The following ANKRD13D variants were observed in gnomAD, a reference collection of about 807,000 sequenced individuals.
ANKRD13D encodes ankyrin repeat domain-containing protein 13D.
A neutral mutation model predicts 68.8 loss-of-function variants in ANKRD13D; 24 were observed. The observed-to-expected ratio is 0.35, with a 90% CI of 0.25 to 0.49. The LOEUF is 0.49. Among genes scored for constraint, ANKRD13D ranks in the 20% least tolerant of loss-of-function variants. ANKRD13D has a pLI of 0.99. For synonymous variants in ANKRD13D, 331 were observed against 336.1 expected (o/e 0.98, Z 0.16); for missense variants, 735 against 832.1 (o/e 0.88, Z 1.44).
chr11:67,298,333 A>AT (rs1860844366), intron 6 of ANKRD13D: 1 of 152,188 alleles, frequency 6.6e-6, no homozygotes, highest in Non-Finnish European at 1.5e-5. Flanking sequence ...AACTGCTGGG[A>AT]TTACAGGCAT....
In ANKRD13D at chr11:67,300,460, A is replaced by G; in HGVS notation, c.1073+337A>G. 1 of 367,208 alleles carries G rather than the reference A, an allele frequency of 2.7e-6. No individual in the cohort carries two copies. The highest frequency in any genetic ancestry group is 4.2e-5 in the Admixed American group (1 of 23,988). 22.7% of individuals were successfully genotyped at this position (367,208 alleles called of 1,614,324 possible). A position where few individuals can be genotyped will look rare whatever the true frequency, so the allele number is the denominator to read the frequency against. On this transcript the variant is annotated intron_variant, in intron 10 of 14. Transcript: ENST00000511455. The surrounding 1 kb of genome is among the most constrained non-coding windows in gnomAD (Gnocchi z 4.3). ...AGTGGAGCGTCTGCCTTGGTGGAACAGAACAGTTACGCTCTTGCCTCGTGA... is the reference window on the plus strand; with the variant it reads ...AGTGGAGCGTCTGCCTTGGTGGAACGGAACAGTTACGCTCTTGCCTCGTGA...
chr11:67,293,752 A>G (rs1311896406), intron 6 of ANKRD13D, among the ~76,000 whole-genome samples: 2 of 152,172 alleles, frequency 1.3e-5, no homozygotes, highest in Non-Finnish European at 2.9e-5. Flanking sequence ...TCTTAGGCTG[A>G]AGCGACCTGC....
At chr11:67,291,343 G>C (rs898024131) in intron 3 of ANKRD13D, 133 bp from the exon 4 acceptor site, 1 of 961,478 alleles carries the variant, frequency 1.0e-6, no homozygotes, top group African/African-American at 1.9e-5. Flanking sequence ...GGGTGACAGA[G>C]CAAGTCTCAA....
chr11:67,290,683 G>A, intron 3 of ANKRD13D: 1 of 527,550 alleles, frequency 1.9e-6, no homozygotes, highest in Non-Finnish European at 3.2e-6. Context: ...TGGGCCTCCT[G>A]AAGAATGCAG....
rs374735254 is a variant in ANKRD13D at position 67,301,257 on chromosome 11, C to T, written c.1232-25C>T. ...AGGCACAGGTGGCTCTCCGCCAGGG[C>T]TCAGGCGTGGCTGTCTTCTCACAGA... On this transcript the variant is annotated intron_variant, in intron 11 of 14. Transcript: ENST00000511455. This position sits in a 1 kb window ranked among gnomAD's most constrained non-coding sequence, Gnocchi z 4.5. 1.4e-5 allele frequency: 22 copies of T among 1,602,856 alleles called. No homozygotes were observed. The highest frequency in any genetic ancestry group is 1.6e-5 in the Non-Finnish European group (19 of 1,173,894).
In ANKRD13D at chr11:67,300,447, G is replaced by T. The variant is rs1860935031; in HGVS notation, c.1073+324G>T. On this transcript the variant is annotated intron_variant, in intron 10 of 14. Coordinates refer to ENST00000511455, the MANE Select transcript of ANKRD13D (RefSeq NM_207354.3). The surrounding 1 kb of genome is among the most constrained non-coding windows in gnomAD (Gnocchi z 4.3). Reference sequence around the variant, plus strand: ...GACGTGGCCTGGGAGTGGAGCGTCTGCCTTGGTGGAACAGAACAGTTACGC... The same window carrying T: ...GACGTGGCCTGGGAGTGGAGCGTCTTCCTTGGTGGAACAGAACAGTTACGC... The T allele has an allele frequency of 2.6e-6, 1 of 382,794 alleles. No individual in the cohort carries two copies. The highest frequency in any genetic ancestry group is 4.8e-6 in the Non-Finnish European group (1 of 207,608). 23.7% of individuals were successfully genotyped at this position (382,794 alleles called of 1,614,324 possible). A position where few individuals can be genotyped will look rare whatever the true frequency, so the allele number is the denominator to read the frequency against.
At chr11:67,289,659 C>T (rs1860450471) in intron 1 of ANKRD13D, 109 bp downstream of exon 1, 2 of 1,170,500 alleles carry the variant, frequency 1.7e-6, no homozygotes, top group Non-Finnish European at 2.3e-6. Flanking sequence ...TCCGCAGCCA[C>T]ATCCTGGGCC....
At position 67,301,886 on chromosome 11, in the gene ANKRD13D, G is replaced by T. The variant is rs951054561; in HGVS notation, c.1604+63G>T. 13 of 1,504,580 alleles carry T rather than the reference G, an allele frequency of 8.6e-6. No individual in the cohort carries two copies. Among genetic ancestry groups the T allele is most frequent in the African/African-American group, 1.4e-5 (1 of 72,128 alleles). The allele number at this position is 1,504,580 out of a possible 1,614,324, so 93.2% of individuals were successfully genotyped here. On this transcript the variant is annotated intron_variant, in intron 14 of 14. Coordinates refer to ENST00000511455, the MANE Select transcript of ANKRD13D (RefSeq NM_207354.3). This position sits in a 1 kb window ranked among gnomAD's most constrained non-coding sequence, Gnocchi z 4.5. ...CCAGCCCTGGCTTGGCGGGGAGGGG[G>T]ATAGCAGGAAGGTGCTAGGACCCCA...
rs148457831 is a variant in ANKRD13D at position 67,292,149 on chromosome 11, C to T, written c.700C>T (p.His234Tyr). ...CCTCACCTCTCCTATCGTCTCCACC[C>T]ACCTGGACACTCGTAATGTGGCCTT... The part of the protein sequence containing the change: ...SRLTSPIVST[H>Y]LDTRNVAFER... The change falls in exon 6 of 15, where the codon CAC becomes TAC. Residue 234 changes from histidine to tyrosine, a missense_variant. Physicochemically the swap from His to Tyr is moderately conservative, Grantham distance 83. Coordinates refer to ENST00000511455, the MANE Select transcript of ANKRD13D (RefSeq NM_207354.3). 2 of 1,604,936 alleles carry T rather than the reference C, an allele frequency of 1.2e-6. No homozygotes were observed. Among genetic ancestry groups the T allele is most frequent in the African/African-American group, 2.7e-5 (2 of 74,762 alleles).
chr11:67,299,907 G>A lies in ANKRD13D; in HGVS notation c.942+19G>A, dbSNP rs369530442. On this transcript the variant is annotated intron_variant, in intron 9 of 14. Transcript: ENST00000511455. The surrounding 1 kb of genome is among the most constrained non-coding windows in gnomAD (Gnocchi z 6.2). ...CACCGGGGTGAGCCGGGGCTGGGCCGAGACAGGGCTGGCGGGGGGCCGAGC... is the reference window on the plus strand; with the variant it reads ...CACCGGGGTGAGCCGGGGCTGGGCCAAGACAGGGCTGGCGGGGGGCCGAGC... The A allele has an allele frequency of 1.7e-4, 267 of 1,554,516 alleles. No individual in the cohort carries two copies. The African/African-American group carries it at 2.7e-3, about 16-fold the overall frequency.
At chr11:67,289,577 CT>C in intron 1 of ANKRD13D, 27 bp downstream of exon 1, 1 of 1,518,356 alleles carries the variant, frequency 6.6e-7, no homozygotes, top group Non-Finnish European at 8.8e-7. Context: ...GCACCCGGCC[CT>C]TCCCCCGGGT....
chr11:67,291,228 A>T (rs2004225), intron 3 of ANKRD13D: 28,065 of 493,978 alleles, frequency 0.057, 1,879 homozygotes, highest in African/African-American at 0.24. Flanking sequence ...GTGGTGGCAC[A>T]CACCTGTGGT....
rs546133728 is a variant in ANKRD13D, at chr11:67,291,858, G to A, written c.541+112G>A. 6.5e-5 allele frequency: 99 copies of A among 1,521,222 alleles called. No individual in the cohort carries two copies. The South Asian group carries it at 1.2e-3, about 18-fold the overall frequency. 94.2% of individuals were successfully genotyped at this position (1,521,222 alleles called of 1,614,324 possible). A position where few individuals can be genotyped will look rare whatever the true frequency, so the allele number is the denominator to read the frequency against. On this transcript the variant is annotated intron_variant, in intron 5 of 14. Coordinates refer to ENST00000511455, the MANE Select transcript of ANKRD13D (RefSeq NM_207354.3). The stretch of plus-strand genomic sequence containing the variant: ...TCCAGATGTGGAAGCTGAGGTTGGG[G>A]ATGGAGGGGCATCCAGGGGCCAAGA...
Position 67,289,621 on chromosome 11 carries a change from GCCCCC to G in ANKRD13D, c.90+83_90+87del. ...CCAAGGCTGTGGCCTCCGTCCTGGA[GCCCCC>G]CCCCCCCCCCCGCCCGCTCAGCTCC... On this transcript the variant is annotated intron_variant, in intron 1 of 14. Coordinates refer to ENST00000511455, the MANE Select transcript of ANKRD13D (RefSeq NM_207354.3). 1.4e-5 allele frequency: 11 copies of G among 807,392 alleles called. No homozygotes were observed. In the African/African-American group the frequency reaches 4.4e-4, roughly 32 times the overall value. The allele number at this position is 807,392 out of a possible 1,614,324, so 50.0% of individuals were successfully genotyped here. A position where few individuals can be genotyped will look rare whatever the true frequency, so the allele number is the denominator to read the frequency against.
In ANKRD13D at chr11:67,302,149, A is replaced by G; in HGVS notation, c.1635A>G (p.Thr545=). ...RALQESLQLS[T]EPRGPGSPPR... ...TCCAGGAAAGCCTGCAGCTGTCCAC[A>G]GAGCCCAGGGGCCCAGGATCCCCTC... Residue 545 remains threonine (T), a synonymous_variant, in exon 15 of 15, where the codon ACA becomes ACG. Coordinates refer to ENST00000511455, the MANE Select transcript of ANKRD13D (RefSeq NM_207354.3). 1 of 1,593,640 alleles carries G rather than the reference A, an allele frequency of 6.3e-7. No individual in the cohort carries two copies. Among genetic ancestry groups the G allele is most frequent in the Middle Eastern group, 2.2e-4 (1 of 4,502 alleles).
chr11:67,291,821 T>A, intron 5 of ANKRD13D, 75 bp downstream of exon 5: 1 of 1,568,826 alleles, frequency 6.4e-7, no homozygotes, highest in Non-Finnish European at 8.6e-7. Flanking sequence ...GTGCTGCCTT[T>A]TCTCTCCACT....
chr11:67,291,373 A>AAT, intron 3 of ANKRD13D, 103 bp from the exon 4 acceptor site: 3 of 1,183,804 alleles, frequency 2.5e-6, no homozygotes, highest in Non-Finnish European at 3.5e-6. Context: ...AAAAAAAAAA[A>AAT]AAGACCTGAT....
At position 67,301,440 on chromosome 11, in the gene ANKRD13D, G is replaced by T; in HGVS notation, c.1348+42G>T. On this transcript the variant is annotated intron_variant, in intron 12 of 14. Transcript: ENST00000511455. The surrounding 1 kb of genome is among the most constrained non-coding windows in gnomAD (Gnocchi z 4.5). ...AAGAGGGAGCCTGCACAGCTTTCTG[G>T]TCACCAAGCCCCGCGGGTTGAGCGT... The T allele has an allele frequency of 6.2e-7, 1 of 1,607,218 alleles. No homozygotes were observed.
intron 6 of ANKRD13D, among the ~76,000 whole-genome samples, chr11:67,295,001 C>T (rs1237493958): frequency 6.6e-6 from 1 of 152,052 alleles, no homozygotes; most frequent in Non-Finnish European, 1.5e-5. Context: ...TTTTTTTTAA[C>T]ATATAAGATT....
Sources: allele counts gnomAD v4.1 joint callset (sites outside exome capture counted in the v4.1 genomes callset), GRCh38; gene constraint gnomAD v4.1.1; non-coding constraint Gnocchi (gnomAD v3.1); transcripts MANE v1.5; gene names NCBI Gene and HGNC (gene_info 2026-07-23, HGNC 2026-07-21).